The following GOLGA4 variants were observed in gnomAD, a reference collection of about 807,000 sequenced individuals.
GOLGA4 encodes golgin A4.
In GOLGA4, 169 loss-of-function variants were observed where a neutral mutation model predicts 265.9. The observed-to-expected ratio is 0.64, with a 90% CI of 0.56 to 0.72. The LOEUF (loss-of-function observed/expected upper bound fraction) is 0.72, where lower values mean the gene tolerates loss of function less well. Ranked by LOEUF, GOLGA4 falls within the 30% of genes least tolerant of loss-of-function variation. GOLGA4 has a pLI of 0.00. For missense variants in GOLGA4, 2,482 were observed against 2,483.4 expected (o/e 1.00, Z 0.01); for synonymous variants, 923 against 855.8 (o/e 1.08, Z -1.37).
intron 2 of GOLGA4, among the ~76,000 whole-genome samples, chr3:37,277,907 A>G (rs905775519): frequency 2.6e-5 from 4 of 151,858 alleles, no homozygotes; most frequent in African/African-American, 9.7e-5. Context: ...CCTTTTTCCA[A>G]TTTCTTATTG....
At chr3:37,320,506 G>A (rs2096951881) in intron 12 of GOLGA4, 1 of 152,138 alleles carries the variant, frequency 6.6e-6, no homozygotes. Flanking sequence ...GGGGGCACAT[G>A]GATTTACAGT....
chr3:37,265,928 G>A (rs1324373423), intron 2 of GOLGA4, among the ~76,000 whole-genome samples: 1 of 151,034 alleles, frequency 6.6e-6, no homozygotes, highest in African/African-American at 2.4e-5. Context: ...TCAGGAGGCT[G>A]AGGTGGAAGA....
chr3:37,357,398 A>C (rs1679418223), intron 22 of GOLGA4, among the ~76,000 whole-genome samples: 1 of 152,156 alleles, frequency 6.6e-6, no homozygotes, highest in Non-Finnish European at 1.5e-5. Flanking sequence ...GACCTTGTGG[A>C]ACTTTTAATT....
intron 2 of GOLGA4, among the ~76,000 whole-genome samples, chr3:37,264,809 C>T (rs1368095606): frequency 6.6e-6 from 1 of 152,156 alleles, no homozygotes; most frequent in Non-Finnish European, 1.5e-5. Flanking sequence ...GAGCCTCCTA[C>T]CTCAGCCTCC....
intron 22 of GOLGA4, among the ~76,000 whole-genome samples, chr3:37,359,892 T>C (rs1401584398): frequency 6.6e-6 from 1 of 152,188 alleles, no homozygotes; most frequent in African/African-American, 2.4e-5. Context: ...ATAGAAAATA[T>C]TGCACATGTC....
chr3:37,258,163 C>CTA lies in GOLGA4; in HGVS notation c.162+6688_162+6689dup, dbSNP rs575867950. Among the ~76,000 whole-genome samples the CTA allele has an allele frequency of 1.9e-3, 257 of 138,078 alleles. 1 individual carries two copies. The highest frequency in any genetic ancestry group is 0.016 in the Middle Eastern group (4 of 248). The allele number at this position is 138,078 out of a possible 152,430, so 90.6% of individuals were successfully genotyped here. On this transcript the variant is annotated intron_variant, in intron 2 of 23. Transcript: ENST00000361924. ...TATATATATGTTCTGTATATGTATG[C>CTA]TATATATATAGCATATATATGCTCT...
chr3:37,270,459 C>T (rs2150713840), intron 2 of GOLGA4, among the ~76,000 whole-genome samples: 1 of 152,230 alleles, frequency 6.6e-6, no homozygotes, highest in South Asian at 2.1e-4. Flanking sequence ...CTCAGGTGAT[C>T]CACCTGCTTC....
In GOLGA4 at chr3:37,336,067, C is replaced by T. The variant is rs538321150; in HGVS notation, c.6306+901C>T. On this transcript the variant is annotated intron_variant, in intron 17 of 23. Coordinates refer to ENST00000361924, the MANE Select transcript of GOLGA4 (RefSeq NM_002078.5). ...CCACCAGTTACATGGATGACTTACC[C>T]GCAGTGCAGAGAAAGAGCCTCTATA... is the stretch of plus-strand genomic sequence containing the variant. Among the ~76,000 whole-genome samples, 17 of 152,242 alleles carry T rather than the reference C, an allele frequency of 1.1e-4. No homozygotes were observed. The South Asian group carries it at 1.5e-3, about 13-fold the overall frequency.
intron 3 of GOLGA4, among the ~76,000 whole-genome samples, chr3:37,282,813 G>A (rs146824320): frequency 1.3e-5 from 2 of 152,232 alleles, no homozygotes; most frequent in East Asian, 1.9e-4. Flanking sequence ...CTCCCTGTTT[G>A]GTCTAAGGGA....
intron 2 of GOLGA4, among the ~76,000 whole-genome samples, chr3:37,263,624 CA>C (rs2096775910): frequency 6.6e-6 from 1 of 152,136 alleles, no homozygotes; most frequent in African/African-American, 2.4e-5. Flanking sequence ...AAGGAAATAA[CA>C]AGGTCAACAA....
At chr3:37,363,358 A>G (rs1431486763) in intron 23 of GOLGA4, among the ~76,000 whole-genome samples, 2 of 152,236 alleles carry the variant, frequency 1.3e-5, no homozygotes, top group Non-Finnish European at 2.9e-5. Context: ...TTGCAGCTGA[A>G]TATCAATTAT....
At chr3:37,280,269 G>C (rs2096831270) in intron 2 of GOLGA4, among the ~76,000 whole-genome samples, 1 of 152,178 alleles carries the variant, frequency 6.6e-6, no homozygotes. Context: ...TCAGTAGCAT[G>C]TAAGTTCAGA....
At chr3:37,278,813 C>CCTT (rs1553606454) in intron 2 of GOLGA4, among the ~76,000 whole-genome samples, 2 of 131,398 alleles carry the variant, frequency 1.5e-5, no homozygotes, top group South Asian at 2.5e-4. Context: ...AGTTTGTTTA[C>CCTT]TTTTTTTTTT....
At chr3:37,275,932 A>C (rs1362595289) in intron 2 of GOLGA4, 12 of 1,613,620 alleles carry the variant, frequency 7.4e-6, no homozygotes, top group South Asian at 1.1e-5. Flanking sequence ...TAGATGGGCC[A>C]TCAACTGAGA....
intron 3 of GOLGA4, among the ~76,000 whole-genome samples, chr3:37,283,531 G>C (rs1051535534): frequency 1.3e-5 from 2 of 152,020 alleles, no homozygotes; most frequent in African/African-American, 4.8e-5. Context: ...TTTTGTTGTT[G>C]TTTTTGAGAC....
intron 6 of GOLGA4, among the ~76,000 whole-genome samples, chr3:37,295,837 C>T (rs1446983176): frequency 1.3e-5 from 2 of 152,158 alleles, no homozygotes; most frequent in Non-Finnish European, 2.9e-5. Context: ...ATATGTAGTA[C>T]AACAACTACT....
chr3:37,297,321 C>T lies in GOLGA4; in HGVS notation c.814+1102C>T, dbSNP rs544010605. On this transcript the variant is annotated intron_variant, in intron 7 of 23. Coordinates refer to ENST00000361924, the MANE Select transcript of GOLGA4 (RefSeq NM_002078.5). ...ACCAGACTATGGTGGGGTGGTGGGG[C>T]GGCGGGGCCAGTCCCGAAATTCCCA... Among the ~76,000 whole-genome samples, 157 of 152,240 alleles carry T rather than the reference C, an allele frequency of 1.0e-3. 1 individual carries two copies. Among genetic ancestry groups the T allele is most frequent in the South Asian group, 3.9e-3 (19 of 4,818 alleles).
At chr3:37,292,696 G>GGTT (rs10674941) in intron 5 of GOLGA4, among the ~76,000 whole-genome samples, 59,982 of 151,046 alleles carry the variant, frequency 0.4, 12,406 homozygotes, top group Non-Finnish European at 0.45. Context: ...AAAAAAAAAA[G>GGTT]GTTTTAGTAC....
At chr3:37,279,164 A>T (rs939916826) in intron 2 of GOLGA4, among the ~76,000 whole-genome samples, 1 of 152,216 alleles carries the variant, frequency 6.6e-6, no homozygotes. Context: ...TTCTTAAAAC[A>T]TAGCAGCCTG....
Sources: gnomAD v4.1 joint callset for allele counts (sites outside exome capture counted in the v4.1 genomes callset) on GRCh38, gnomAD v4.1.1 for gene constraint, MANE v1.5 for transcripts, NCBI Gene and HGNC (gene_info 2026-07-23, HGNC 2026-07-21) for gene names.